Variants in ARSB observed in about 807,000 individuals in gnomAD.
ARSB encodes the protein arylsulfatase B.
A neutral mutation model predicts 50.9 loss-of-function variants in ARSB; 41 were observed. The observed-to-expected ratio is 0.81, with a 90% CI of 0.63 to 1.04. The LOEUF is 1.04. Among genes scored for constraint, ARSB ranks in the 50% least tolerant of loss-of-function variants. The pLI is 0.00. For missense variants in ARSB, 672 were observed against 693.3 expected (o/e 0.97, Z 0.35); for synonymous variants, 269 against 284.8 (o/e 0.94, Z 0.56).
chr5:78,826,619 C>G (rs1744443556), intron 6 of ARSB, among the ~76,000 whole-genome samples: 2 of 152,186 alleles, frequency 1.3e-5, no homozygotes, highest in African/African-American at 4.8e-5. Flanking sequence ...CTTTATTGCT[C>G]TCCATGTGAT....
intron 5 of ARSB, chr5:78,884,923 G>A (rs1747936876): frequency 6.6e-6 from 1 of 152,196 alleles, no homozygotes; most frequent in Non-Finnish European, 1.5e-5. Context: ...TCTGAGTCTG[G>A]GTCCTGTTCC....
chr5:78,913,083 T>C (rs1001652327), intron 4 of ARSB, among the ~76,000 whole-genome samples: 1 of 151,552 alleles, frequency 6.6e-6, no homozygotes, highest in African/African-American at 2.4e-5. Flanking sequence ...CCAAAAACTG[T>C]GATGAGAACC....
chr5:78,843,280 T>C (rs1435151663), intron 5 of ARSB, among the ~76,000 whole-genome samples: 1 of 152,214 alleles, frequency 6.6e-6, no homozygotes, highest in East Asian at 1.9e-4. Context: ...TTGATGCTGC[T>C]GGTCTCAGAA....
intron 6 of ARSB, among the ~76,000 whole-genome samples, chr5:78,790,521 C>T (rs1749207708): frequency 6.6e-6 from 1 of 152,156 alleles, no homozygotes; most frequent in Non-Finnish European, 1.5e-5. Flanking sequence ...ATATATAGTG[C>T]TTAGTAGAAT....
intron 6 of ARSB, among the ~76,000 whole-genome samples, chr5:78,833,066 A>G (rs1369831089): frequency 1.3e-5 from 2 of 152,150 alleles, no homozygotes; most frequent in East Asian, 3.9e-4. Flanking sequence ...GTTTTTCCTC[A>G]GGCAAAATAA....
intron 4 of ARSB, among the ~76,000 whole-genome samples, chr5:78,932,961 C>T (rs997396130): frequency 5.3e-5 from 8 of 152,160 alleles, no homozygotes; most frequent in Non-Finnish European, 8.8e-5. Context: ...CTCCCTACTA[C>T]GAAACAGCAC....
intron 6 of ARSB, among the ~76,000 whole-genome samples, chr5:78,812,701 A>C (rs1021220928): frequency 5.9e-5 from 9 of 151,946 alleles, no homozygotes; most frequent in Non-Finnish European, 1.0e-4. Flanking sequence ...TGAGTTTAAT[A>C]ATAATTGATG....
chr5:78,903,750 G>A (rs1359908856), intron 4 of ARSB, among the ~76,000 whole-genome samples: 2 of 152,118 alleles, frequency 1.3e-5, no homozygotes, highest in Non-Finnish European at 2.9e-5. Flanking sequence ...AATGGAAAAT[G>A]ACTTCAAAAT....
At chr5:78,984,625 G>T (rs2112578794) in intron 1 of ARSB, among the ~76,000 whole-genome samples, 1 of 151,878 alleles carries the variant, frequency 6.6e-6, no homozygotes, top group African/African-American at 2.4e-5. Context: ...TGCCGGCCGC[G>T]GCGCCCAGCA....
rs574221326 is a variant in ARSB at position 78,867,545 on chromosome 5, C to A, written c.1142+18039G>T. The stretch of plus-strand genomic sequence containing the variant: ...GAGCAGCCTAACTGGGAGGCACCCC[C>A]CAGCAGGGGCACACTGACACCTCAC... On this transcript the variant is annotated intron_variant, in intron 5 of 7. Transcript: ENST00000264914. Among the ~76,000 whole-genome samples the A allele has an allele frequency of 2.8e-3, 419 of 152,142 alleles. 2 individuals carry two copies. Among genetic ancestry groups the A allele is most frequent in the African/African-American group, 9.2e-3 (382 of 41,550 alleles).
intron 4 of ARSB, among the ~76,000 whole-genome samples, chr5:78,911,840 T>A (rs980067216): frequency 6.6e-6 from 1 of 152,168 alleles, no homozygotes; most frequent in African/African-American, 2.4e-5. Context: ...TTAAATGATA[T>A]GCAAGAGGCT....
intron 6 of ARSB, among the ~76,000 whole-genome samples, chr5:78,787,401 A>C (rs1278925509): frequency 6.6e-6 from 1 of 152,202 alleles, no homozygotes; most frequent in Non-Finnish European, 1.5e-5. Flanking sequence ...TTGACAGTGT[A>C]TTGGATAAAC....
At chr5:78,806,630 C>T (rs979175642) in intron 6 of ARSB, among the ~76,000 whole-genome samples, 2 of 152,302 alleles carry the variant, frequency 1.3e-5, no homozygotes, top group African/African-American at 4.8e-5. Context: ...TTGCAGGTGG[C>T]CCACGCACAG....
chr5:78,942,409 C>T (rs1286617955), intron 4 of ARSB, among the ~76,000 whole-genome samples: 10 of 151,894 alleles, frequency 6.6e-5, no homozygotes, highest in African/African-American at 1.7e-4. Flanking sequence ...TGCTTTCTCT[C>T]GTGGGCATTT....
rs757615523 is a variant in ARSB at position 78,955,465 on chromosome 5, T to G, written c.728A>C (p.Glu243Ala). 6.2e-7 allele frequency: 1 copy of G among 1,614,156 alleles called. No individual in the cohort carries two copies. Among genetic ancestry groups the G allele is most frequent in the Non-Finnish European group, 8.5e-7 (1 of 1,180,020 alleles). ...FLYLALQSVH[E>A]PLQVPEEYLK... ...GTATTCCTCAGGGACCTGAAGGGGC[T>G]CATGCACAGACTGGAGAGCAAGGTA... The change falls in exon 4 of 8, where the codon GAG becomes GCG. Residue 243 changes from glutamate to alanine, a missense_variant. Glu to Ala is a moderately radical substitution (Grantham distance 107, BLOSUM62 -1). Transcript: ENST00000264914.
intron 5 of ARSB, among the ~76,000 whole-genome samples, chr5:78,854,226 T>C (rs1050698143): frequency 1.3e-5 from 2 of 152,174 alleles, no homozygotes; most frequent in Non-Finnish European, 2.9e-5. Flanking sequence ...GTGAATTTTG[T>C]TTATTTCTGC....
intron 1 of ARSB, among the ~76,000 whole-genome samples, chr5:78,971,012 G>A (rs1561534314): frequency 6.6e-6 from 1 of 152,146 alleles, no homozygotes; most frequent in African/African-American, 2.4e-5. Flanking sequence ...GGAGATATTT[G>A]AGCAGTGACC....
At position 78,985,245 on chromosome 5, in the gene ARSB, C is replaced by T. The variant is rs1199278234; in HGVS notation, c.4G>A (p.Gly2Ser). Residue 2 changes from glycine to serine, a missense_variant, in exon 1 of 8, where the codon GGT becomes AGT. Transcript: ENST00000264914. M[G>S]PRGAASLPRG... ...GGCAAGCTCGCCGCGCCGCGCGGAC[C>T]CATCCTTGTCCGCCCGCGGTCCCAG... 4.6e-6 allele frequency: 6 copies of T among 1,308,278 alleles called. No individual in the cohort carries two copies. The highest frequency in any genetic ancestry group is 1.6e-5 in the African/African-American group (1 of 64,466). 81.0% of individuals were successfully genotyped at this position (1,308,278 alleles called of 1,614,324 possible). A position where few individuals can be genotyped will look rare whatever the true frequency, so the allele number is the denominator to read the frequency against.
At chr5:78,891,987 T>C (rs1255057028) in intron 4 of ARSB, among the ~76,000 whole-genome samples, 1 of 152,064 alleles carries the variant, frequency 6.6e-6, no homozygotes, top group African/African-American at 2.4e-5. Flanking sequence ...GAGCCTAAGT[T>C]TCCTTATTTG....
Sources: gnomAD v4.1 joint callset for allele counts (sites outside exome capture counted in the v4.1 genomes callset) on GRCh38, gnomAD v4.1.1 for gene constraint, MANE v1.5 for transcripts, NCBI Gene and HGNC (gene_info 2026-07-23, HGNC 2026-07-21) for gene names.